CDH4: variants seen among roughly 807,000 people sequenced by gnomAD.
CDH4 encodes cadherin-4.
In CDH4, 33 loss-of-function variants were observed where a neutral mutation model predicts 86.0. The ratio of observed to expected loss-of-function variants is 0.38; its 90% CI spans 0.29 to 0.51. CDH4 has a LOEUF of 0.51. CDH4 is among the 20% of genes least tolerant of loss of function. CDH4 has a pLI of 0.86. For synonymous variants in CDH4, 555 were observed against 549.4 expected (o/e 1.01, Z -0.14); for missense variants, 1,114 against 1,307.4 (o/e 0.85, Z 2.28).
chr20:61,534,106 A>C (rs528375801), intron 2 of CDH4, among the ~76,000 whole-genome samples: 3 of 152,344 alleles, frequency 2.0e-5, no homozygotes, highest in Admixed American at 1.3e-4. Context: ...TTTTAATCTC[A>C]CACTTGAATA....
intron 2 of CDH4, among the ~76,000 whole-genome samples, chr20:61,590,552 A>G (rs2086510996): frequency 6.6e-6 from 1 of 152,202 alleles, no homozygotes; most frequent in African/African-American, 2.4e-5. Flanking sequence ...GCAGTCCGGA[A>G]CAGTGGAGCT....
intron 2 of CDH4, among the ~76,000 whole-genome samples, chr20:61,712,775 A>C (rs889057613): frequency 3.9e-5 from 6 of 152,162 alleles, no homozygotes; most frequent in Non-Finnish European, 7.4e-5. Context: ...AAGGCTCCCC[A>C]TGCCCAGCCT....
chr20:61,277,762 A>G (rs1459887056), intron 2 of CDH4, among the ~76,000 whole-genome samples: 1 of 152,252 alleles, frequency 6.6e-6, no homozygotes, highest in Non-Finnish European at 1.5e-5. Flanking sequence ...GGCATCAGGT[A>G]TCCAGAGCAT....
At chr20:61,932,955 A>T in intron 13 of CDH4, 30 bp from the exon 14 acceptor site, 1 of 1,605,696 alleles carries the variant, frequency 6.2e-7, no homozygotes, top group East Asian at 2.2e-5. Flanking sequence ...CCCGCAGCAC[A>T]CCCTGCTCAC....
intron 2 of CDH4, among the ~76,000 whole-genome samples, chr20:61,580,598 G>A (rs1200639726): frequency 1.3e-5 from 2 of 152,022 alleles, no homozygotes; most frequent in Non-Finnish European, 2.9e-5. Context: ...CTGCCTTGCT[G>A]TGCGCTGAAG....
intron 8 of CDH4, among the ~76,000 whole-genome samples, chr20:61,904,771 C>T (rs528142523): frequency 2.6e-5 from 4 of 152,222 alleles, no homozygotes; most frequent in Non-Finnish European, 5.9e-5. Context: ...CGGGACTTCT[C>T]CCTGAAGACA....
In CDH4 at chr20:61,675,112, G is replaced by A. The variant is rs187460475; in HGVS notation, c.170-68451G>A. Among the ~76,000 whole-genome samples, 107 of 152,366 alleles carry A rather than the reference G, an allele frequency of 7.0e-4. 2 individuals are homozygous for A. The highest frequency in any genetic ancestry group is 8.5e-4 in the Admixed American group (13 of 15,306). ...GTGCAGGAAGGGGCTAGGTCTGAGC[G>A]ACGTGTGACAGGCTGCTGTTTTTTG... On this transcript the variant is annotated intron_variant, in intron 2 of 15. Transcript: ENST00000614565.
intron 2 of CDH4, among the ~76,000 whole-genome samples, chr20:61,639,510 G>A (rs564408209): frequency 2.6e-5 from 4 of 152,298 alleles, no homozygotes; most frequent in African/African-American, 4.8e-5. Flanking sequence ...AATCATTTAC[G>A]ATATTAATTT....
rs2085773451 is a variant in CDH4, at chr20:61,510,725, GA to G, written c.170-232834del. Among the ~76,000 whole-genome samples, 2 of 152,134 alleles carry G rather than the reference GA, an allele frequency of 1.3e-5. No homozygotes were observed. Among genetic ancestry groups the G allele is most frequent in the South Asian group, 4.1e-4 (2 of 4,822 alleles). On this transcript the variant is annotated intron_variant, in intron 2 of 15. Transcript: ENST00000614565. This position sits in a 1 kb window ranked among gnomAD's most constrained non-coding sequence, Gnocchi z 4.2. ...CTCCATTATATAGAGGAGGCAGGTT[GA>G]AAATTGTATTAGGCTGTTCTTGCAT...
intron 2 of CDH4, among the ~76,000 whole-genome samples, chr20:61,385,819 GGT>G (rs2084948033): frequency 6.9e-6 from 1 of 145,014 alleles, no homozygotes; most frequent in South Asian, 2.1e-4. Context: ...CTTTAACGTA[GGT>G]GTCATTTACT....
At chr20:61,382,891 T>C (rs1600921646) in intron 2 of CDH4, among the ~76,000 whole-genome samples, 1 of 151,628 alleles carries the variant, frequency 6.6e-6, no homozygotes. Flanking sequence ...TTTTTCCAAA[T>C]AAGCTCACAT....
chr20:61,420,931 CCA>C (rs1241914329), intron 2 of CDH4, among the ~76,000 whole-genome samples: 2 of 152,374 alleles, frequency 1.3e-5, no homozygotes, highest in East Asian at 3.9e-4. Context: ...ACCCAGGTAT[CCA>C]CACACAGTGC....
intron 2 of CDH4, among the ~76,000 whole-genome samples, chr20:61,692,671 A>C (rs2087672737): frequency 6.6e-6 from 1 of 152,208 alleles, no homozygotes. Flanking sequence ...GGGCAGGGGC[A>C]AGTTTATAAC....
chr20:61,425,063 A>G (rs1475330473), intron 2 of CDH4, among the ~76,000 whole-genome samples: 8 of 152,202 alleles, frequency 5.3e-5, no homozygotes. Flanking sequence ...TGTGCCAGGC[A>G]TAGGTGGACC....
chr20:61,301,771 T>A (rs1304909731), intron 2 of CDH4, among the ~76,000 whole-genome samples: 1 of 152,162 alleles, frequency 6.6e-6, no homozygotes, highest in Non-Finnish European at 1.5e-5. Flanking sequence ...ATTGGCAAGA[T>A]AAAGGACAAT....
rs368713380 is a variant in CDH4, at chr20:61,934,131, G to A, written c.2455G>A (p.Val819Met). The change falls in exon 15 of 16, where the codon GTG (valine) becomes ATG (methionine). Residue 819 changes from valine to methionine, a missense_variant. By Grantham distance (21) the Val-to-Met change is conservative. This residue lies in a region of CDH4 where 188 missense variants were observed against 183.8 expected (regional missense o/e 1.02). Transcript: ENST00000614565. ...AAGCAAAGCCCCTGGCGTGCGTCGC[G>A]TGGATGAGCGGCCGGTGGGCGCTGA... is the stretch of plus-strand genomic sequence containing the variant. ...VPSKAPGVRR[V>M]DERPVGAEPQ... 3.0e-5 allele frequency: 48 copies of A among 1,611,074 alleles called. No individual in the cohort carries two copies. Among genetic ancestry groups the A allele is most frequent in the South Asian group, 2.2e-4 (20 of 90,908 alleles).
intron 2 of CDH4, among the ~76,000 whole-genome samples, chr20:61,596,453 T>C (rs2086558189): frequency 6.6e-6 from 1 of 152,098 alleles, no homozygotes; most frequent in African/African-American, 2.4e-5. Context: ...CACTGCTGGG[T>C]GCATGGGGAG....
intron 4 of CDH4, among the ~76,000 whole-genome samples, chr20:61,806,783 G>A (rs1980160896): frequency 6.6e-6 from 1 of 152,178 alleles, no homozygotes; most frequent in Admixed American, 6.5e-5. Context: ...TCATCAACAT[G>A]CATGTTTTGC....
intron 4 of CDH4, among the ~76,000 whole-genome samples, chr20:61,804,615 C>A (rs73305827): frequency 6.6e-6 from 1 of 152,230 alleles, no homozygotes; most frequent in South Asian, 2.1e-4. Context: ...CCTCTGTGGA[C>A]CTGCCCAGCT....
Sources: gnomAD v4.1 joint callset for allele counts (sites outside exome capture counted in the v4.1 genomes callset) on GRCh38, gnomAD v4.1.1 for gene constraint, gnomAD v4.1.1 regional missense constraint, Gnocchi (gnomAD v3.1) non-coding constraint, MANE v1.5 for transcripts, NCBI Gene and HGNC (gene_info 2026-07-23, HGNC 2026-07-21) for gene names.